Variants in MICU3 observed in about 807,000 individuals in gnomAD.
The protein encoded by MICU3 is mitochondrial calcium uptake 3.
Under a neutral mutation model 66.5 loss-of-function variants are expected in MICU3, and 62 were observed. The observed-to-expected ratio is 0.93, with a 90% CI of 0.76 to 1.15. The LOEUF is 1.15. Among genes scored for constraint, MICU3 ranks in the 50% most tolerant of loss-of-function variants. MICU3 has a pLI of 0.00. For synonymous variants in MICU3, 308 were observed against 240.7 expected, an observed-to-expected ratio of 1.28 and a Z score of -2.59; for missense variants, 779 against 664.4, an observed-to-expected ratio of 1.17 and a Z score of -1.90.
At chr8:17,074,322 C>A (rs1033755012) in intron 3 of MICU3, among the ~76,000 whole-genome samples, 3 of 151,882 alleles carry the variant, frequency 2.0e-5, no homozygotes, top group Non-Finnish European at 4.4e-5. Flanking sequence ...ATAGATATAA[C>A]CCATATAGAC....
At chr8:17,048,933 C>T (rs1287479957) in intron 1 of MICU3, among the ~76,000 whole-genome samples, 2 of 152,104 alleles carry the variant, frequency 1.3e-5, no homozygotes, top group Non-Finnish European at 2.9e-5. Context: ...TTGAACCTGG[C>T]CTGGGTGCAT....
At chr8:17,050,907 T>C (rs1275175148) in intron 1 of MICU3, among the ~76,000 whole-genome samples, 3 of 152,194 alleles carry the variant, frequency 2.0e-5, no homozygotes, top group Non-Finnish European at 2.9e-5. Flanking sequence ...TGTTTGCATT[T>C]ATTTTTGCTG....
intron 1 of MICU3, among the ~76,000 whole-genome samples, chr8:17,029,762 G>T (rs1811700101): frequency 6.6e-6 from 1 of 151,970 alleles, no homozygotes; most frequent in Non-Finnish European, 1.5e-5. Flanking sequence ...GTTCTTAAGA[G>T]GCCTTTCAAT....
At chr8:17,106,451 A>G (rs767398170) in intron 11 of MICU3, among the ~76,000 whole-genome samples, 2 of 151,454 alleles carry the variant, frequency 1.3e-5, no homozygotes, top group South Asian at 2.1e-4. Context: ...TTTCCAATTC[A>G]TAGGTACTTC....
chr8:17,105,725 C>G (rs1297101893), intron 11 of MICU3, 141 bp downstream of exon 11: 1 of 444,448 alleles, frequency 2.2e-6, no homozygotes, highest in Non-Finnish European at 4.0e-6. Context: ...GTCCTAAATG[C>G]TCTGGCTACA....
chr8:17,028,107 G>A (rs759601673), intron 1 of MICU3, among the ~76,000 whole-genome samples: 2 of 152,170 alleles, frequency 1.3e-5, no homozygotes, highest in Non-Finnish European at 2.9e-5. Flanking sequence ...CACTACTTTA[G>A]CATATGAGAA....
rs939025729 is a variant in MICU3 at position 17,027,618 on chromosome 8, C to T, written c.339C>T (p.Gly113=). Residue 113 remains glycine (G), a synonymous_variant, in exon 1 of 15, where the codon GGC becomes GGT. Coordinates refer to ENST00000318063, the MANE Select transcript of MICU3 (RefSeq NM_181723.3). Reference sequence around the variant, plus strand: ...CGGAGCCCGAGGACCCGCCCCGCGGCCGGGGGATGCTGCCCATCCCAGTGG... The same window carrying T: ...CGGAGCCCGAGGACCCGCCCCGCGGTCGGGGGATGCTGCCCATCCCAGTGG... ...AATEPEDPPR[G]RGMLPIPVAA... 7.6e-6 allele frequency: 10 copies of T among 1,310,154 alleles called. No homozygotes were observed. Among genetic ancestry groups the T allele is most frequent in the Admixed American group, 4.0e-5 (1 of 25,204 alleles). 81.2% of individuals were successfully genotyped at this position (1,310,154 alleles called of 1,614,324 possible).
In MICU3 at chr8:17,077,729, T is replaced by C. The variant is rs1360865400; in HGVS notation, c.568-54T>C. The C allele has an allele frequency of 4.0e-6, 5 of 1,239,734 alleles. No homozygotes were observed. In the East Asian group the frequency reaches 1.2e-4, roughly 29 times the overall value. 76.8% of individuals were successfully genotyped at this position (1,239,734 alleles called of 1,614,324 possible). On this transcript the variant is annotated intron_variant, in intron 3 of 14. Coordinates refer to ENST00000318063, the MANE Select transcript of MICU3 (RefSeq NM_181723.3). ...TGGACATTTAAACATGTTTTTGATC[T>C]ATTTTATTAGTAAGTTGTTTACCAA...
chr8:17,131,250 C>G, the MICU3 span: 1 of 152,180 alleles, frequency 6.6e-6, no homozygotes, highest in South Asian at 2.1e-4. Flanking sequence ...ATAGAGCTCC[C>G]AATATAGAGC....
intron 3 of MICU3, 84 bp from the exon 4 acceptor site, chr8:17,077,699 T>G: frequency 2.2e-6 from 2 of 918,614 alleles, no homozygotes; most frequent in Non-Finnish European, 3.4e-6. Context: ...GTGGAGAATT[T>G]GGCATGGACA....
chr8:17,130,313 T>C, the MICU3 span, among the ~76,000 whole-genome samples: 1 of 151,918 alleles, frequency 6.6e-6, no homozygotes, highest in Admixed American at 6.6e-5. Flanking sequence ...CGCCTGAGGG[T>C]AGGAATTCAA....
In MICU3 at chr8:17,071,096, A is replaced by G. The variant is rs1487847345; in HGVS notation, c.567+1377A>G. Among the ~76,000 whole-genome samples the G allele has an allele frequency of 2.0e-5, 3 of 152,282 alleles. No homozygotes were observed. The South Asian group carries it at 6.2e-4, about 32-fold the overall frequency. On this transcript the variant is annotated intron_variant, in intron 3 of 14. Coordinates refer to ENST00000318063, the MANE Select transcript of MICU3 (RefSeq NM_181723.3). ...TTTGGACTGCAGTTGACTGAGGGTCACAGAAACTGTAGAAAGCTAAGCCTC... is the reference window on the plus strand; with the variant it reads ...TTTGGACTGCAGTTGACTGAGGGTCGCAGAAACTGTAGAAAGCTAAGCCTC...
chr8:17,062,634 T>G (rs1230112113), intron 1 of MICU3, among the ~76,000 whole-genome samples: 1 of 152,214 alleles, frequency 6.6e-6, no homozygotes, highest in Non-Finnish European at 1.5e-5. Context: ...CAGTTTTTTC[T>G]TATATGAAAT....
At chr8:17,098,358 T>G in intron 8 of MICU3, 100 bp from the exon 9 acceptor site, 1 of 829,180 alleles carries the variant, frequency 1.2e-6, no homozygotes, top group Non-Finnish European at 2.1e-6. Flanking sequence ...GGTAAGCTAA[T>G]GTGTTTCCTT....
At chr8:17,053,470 G>T (rs1284029227) in intron 1 of MICU3, among the ~76,000 whole-genome samples, 1 of 152,134 alleles carries the variant, frequency 6.6e-6, no homozygotes, top group African/African-American at 2.4e-5. Flanking sequence ...GTTGCCTGAA[G>T]GCCCTAGCCT....
At chr8:17,101,373 T>C (rs1394597463) in intron 9 of MICU3, among the ~76,000 whole-genome samples, 1 of 151,856 alleles carries the variant, frequency 6.6e-6, no homozygotes, top group African/African-American at 2.4e-5. Context: ...GACACTGGTA[T>C]AGTTTTCAGT....
the MICU3 span, among the ~76,000 whole-genome samples, chr8:17,129,750 C>A: frequency 6.6e-6 from 1 of 152,074 alleles, no homozygotes; most frequent in East Asian, 1.9e-4. Flanking sequence ...AAAGTACTAA[C>A]CAAAATTCTT....
At chr8:17,132,063 A>AGT in the MICU3 span, 1 of 152,218 alleles carries the variant, frequency 6.6e-6, no homozygotes, top group African/African-American at 2.4e-5. Context: ...CATTGCATAC[A>AGT]GTGCTGTGGC....
At chr8:17,041,116 T>C (rs1813994771) in intron 1 of MICU3, among the ~76,000 whole-genome samples, 1 of 152,124 alleles carries the variant, frequency 6.6e-6, no homozygotes, top group African/African-American at 2.4e-5. Flanking sequence ...AATCATCACG[T>C]ATTAAAAATC....
Sources: gnomAD v4.1 joint callset for allele counts (sites outside exome capture counted in the v4.1 genomes callset) on GRCh38, gnomAD v4.1.1 for gene constraint, MANE v1.5 for transcripts, NCBI Gene and HGNC (gene_info 2026-07-23, HGNC 2026-07-21) for gene names.